Variants in PLCG1 observed in about 807,000 individuals in gnomAD.
The protein encoded by PLCG1 is 1-phosphatidylinositol 4,5-bisphosphate phosphodiesterase gamma-1.
PLCG1 carries 71 observed loss-of-function variants against 177.8 expected under a neutral mutation model. The observed-to-expected ratio is 0.40, with a 90% CI of 0.33 to 0.49. The LOEUF is 0.49. PLCG1 is among the 20% of genes least tolerant of loss of function. PLCG1 has a pLI of 0.72. For missense variants in PLCG1, 1,281 were observed against 1,709.0 expected, an observed-to-expected ratio of 0.75 and a Z score of 4.42; for synonymous variants, 658 against 647.9, an observed-to-expected ratio of 1.02 and a Z score of -0.24.
At chr20:41,170,558 T>C (rs1339665503) in intron 24 of PLCG1, 7 of 337,078 alleles carry the variant, frequency 2.1e-5, no homozygotes, top group Admixed American at 4.6e-5. Context: ...AGTCCTGGGC[T>C]GGAAGCAGGA....
In PLCG1 at chr20:41,137,726, C is replaced by G. The variant is rs1391737778; in HGVS notation, c.85C>G (p.Leu29Val). ...DAEVLHLCRS[L>V]EVGTVMTLFY... ...CGAGGTGCTGCACCTCTGCCGCAGC[C>G]TCGAGGTGGGCACCGTCATGACTTT... is the stretch of plus-strand genomic sequence containing the variant. Residue 29 changes from leucine (L) to valine (V), a missense_variant, in exon 1 of 32, where the codon CTC becomes GTC. Physicochemically the swap from Leu to Val is conservative, Grantham distance 32. Transcript: ENST00000685551. This position sits in a 1 kb window ranked among gnomAD's most constrained non-coding sequence, Gnocchi z 7.3. The G allele has an allele frequency of 5.3e-6, 7 of 1,315,228 alleles. No homozygotes were observed. The South Asian group carries it at 1.7e-4, about 32-fold the overall frequency. 81.5% of individuals were successfully genotyped at this position (1,315,228 alleles called of 1,614,324 possible).
At chr20:41,168,368 C>T (rs1198152783) in intron 20 of PLCG1, among the ~76,000 whole-genome samples, 1 of 152,238 alleles carries the variant, frequency 6.6e-6, no homozygotes, top group Non-Finnish European at 1.5e-5. Flanking sequence ...TTCCACTTCA[C>T]AGATGAGTGG....
intron 1 of PLCG1, among the ~76,000 whole-genome samples, chr20:41,149,221 A>G (rs1165595834): frequency 1.3e-5 from 2 of 152,206 alleles, no homozygotes; most frequent in Admixed American, 6.5e-5. Context: ...AACGTAAGCT[A>G]TCTAGCATAA....
At position 41,159,685 on chromosome 20, in the gene PLCG1, C is replaced by T. The variant is rs1264373966; in HGVS notation, c.297C>T (p.Phe99=). Residue 99 remains phenylalanine, a synonymous_variant, in exon 2 of 32, where the codon TTC becomes TTT. Coordinates refer to ENST00000685551, the MANE Select transcript of PLCG1 (RefSeq NM_002660.3). This position sits in a 1 kb window ranked among gnomAD's most constrained non-coding sequence, Gnocchi z 6.0. ...DFDRYQEDPA[F]RPDQSHCFVI... ...ATCGCTATCAAGAGGACCCAGCTTT[C>T]CGGCCGGACCAGTCACATTGCTTTG... 1 of 1,614,214 alleles carries T rather than the reference C, an allele frequency of 6.2e-7. No individual in the cohort carries two copies. The highest frequency in any genetic ancestry group is 1.1e-5 in the South Asian group (1 of 91,082).
At position 41,147,578 on chromosome 20, in the gene PLCG1, C is replaced by T. The variant is rs969531819; in HGVS notation, c.217+9720C>T. Among the ~76,000 whole-genome samples, 3 of 152,110 alleles carry T rather than the reference C, an allele frequency of 2.0e-5. No homozygotes were observed. The highest frequency in any genetic ancestry group is 4.8e-5 in the African/African-American group (2 of 41,424). ...CAAAGAATTTAAGCTGGGCTGGGCA[C>T]GGTGGCTCACGCCTGTAATCCCAGC... On this transcript the variant is annotated intron_variant, in intron 1 of 31. Coordinates refer to ENST00000685551, the MANE Select transcript of PLCG1 (RefSeq NM_002660.3). The surrounding 1 kb of genome is among the most constrained non-coding windows in gnomAD (Gnocchi z 4.0).
intron 4 of PLCG1, 138 bp from the exon 5 acceptor site, chr20:41,162,314 C>T (rs1232009227): frequency 5.0e-6 from 2 of 400,524 alleles, no homozygotes; most frequent in Non-Finnish European, 4.7e-6. Context: ...CCCATGGGTT[C>T]TGATCCAGTC....
intron 1 of PLCG1, among the ~76,000 whole-genome samples, chr20:41,149,921 C>G (rs767169450): frequency 4.6e-5 from 7 of 152,174 alleles, no homozygotes; most frequent in Non-Finnish European, 7.4e-5. Context: ...GGGTCAGGCA[C>G]GGTGATTCAT....
chr20:41,154,014 T>A (rs988218992), intron 1 of PLCG1, among the ~76,000 whole-genome samples: 1 of 152,236 alleles, frequency 6.6e-6, no homozygotes, highest in Admixed American at 6.5e-5. Context: ...TATGTCCTCC[T>A]GTCCCTTTCT....
chr20:41,159,662 C>G lies in PLCG1; in HGVS notation c.274C>G (p.Arg92Gly), dbSNP rs1178732404. 6.2e-7 allele frequency: 1 copy of G among 1,614,054 alleles called. No homozygotes were observed. Among genetic ancestry groups the G allele is most frequent in the Non-Finnish European group, 8.5e-7 (1 of 1,180,020 alleles). The change falls in exon 2 of 32, where the codon CGC becomes GGC. Residue 92 changes from arginine to glycine, a missense_variant. Transcript: ENST00000685551. The surrounding 1 kb of genome is among the most constrained non-coding windows in gnomAD (Gnocchi z 6.0). ...RPGKTSRDFD[R>G]YQEDPAFRPD... ...AGGGAAGACCTCACGGGACTTTGAT[C>G]GCTATCAAGAGGACCCAGCTTTCCG...
rs778825098 is a variant in PLCG1, at chr20:41,165,088, A to G, written c.1373A>G (p.Lys458Arg). Residue 458 changes from lysine to arginine, a missense_variant, in exon 13 of 32, where the codon AAG (lysine) becomes AGG (arginine). Physicochemically the swap from Lys to Arg is conservative, Grantham distance 26. Transcript: ENST00000685551. This position sits in a 1 kb window ranked among gnomAD's most constrained non-coding sequence, Gnocchi z 6.6. ...CCCTCACCCAACCAGCTTAAGAGGA[A>G]GATCCTCATCAAGGTGGGGTGGCGG... ...GLPSPNQLKR[K>R]ILIKHKKLAE... 1.6e-5 allele frequency: 26 copies of G among 1,612,750 alleles called. No individual in the cohort carries two copies. Among genetic ancestry groups the G allele is most frequent in the East Asian group, 2.2e-5 (1 of 44,838 alleles).
In PLCG1 at chr20:41,163,924, C is replaced by T; in HGVS notation, c.1014C>T (p.Tyr338=). 5 of 1,614,126 alleles carry T rather than the reference C, an allele frequency of 3.1e-6. No homozygotes were observed. Among genetic ancestry groups the T allele is most frequent in the Non-Finnish European group, 4.2e-6 (5 of 1,179,988 alleles). The change falls in exon 11 of 32, where the codon TAC becomes TAT. Residue 338 remains tyrosine, a synonymous_variant. Coordinates refer to ENST00000685551, the MANE Select transcript of PLCG1 (RefSeq NM_002660.3). The surrounding 1 kb of genome is among the most constrained non-coding windows in gnomAD (Gnocchi z 5.2). ...HYWISSSHNT[Y]LTGDQFSSES... is the part of the protein sequence containing the mutation. ...CTGCCTCTCCTTGCCTATCCAGGTA[C>T]CTGACCGGGGACCAGTTCTCCAGTG...
Position 41,174,918 on chromosome 20 carries a change from G to T in PLCG1, c.*409G>T. On this transcript the variant is annotated 3_prime_UTR_variant, in exon 32 of 32. Transcript: ENST00000685551. The surrounding 1 kb of genome is among the most constrained non-coding windows in gnomAD (Gnocchi z 5.8). ...AGGAGGAGGAGCCTTGCTGGGCCAG[G>T]GAAACAAAGTTTACATTGTCCTGTA... 1 of 202,800 alleles carries T rather than the reference G, an allele frequency of 4.9e-6. No homozygotes were observed. Among genetic ancestry groups the T allele is most frequent in the South Asian group, 8.9e-5 (1 of 11,228 alleles). The allele number at this position is 202,800 out of a possible 1,614,324, so 12.6% of individuals were successfully genotyped here.
chr20:41,142,742 A>C (rs1384457680), intron 1 of PLCG1, among the ~76,000 whole-genome samples: 1 of 152,174 alleles, frequency 6.6e-6, no homozygotes, highest in African/African-American at 2.4e-5. Context: ...GATAGTATTA[A>C]ATGGCATTTA....
rs1460943584 is a variant in PLCG1 at position 41,151,599 on chromosome 20, T to C, written c.218-8007T>C. Among the ~76,000 whole-genome samples, 1 of 152,096 alleles carries C rather than the reference T, an allele frequency of 6.6e-6. No individual in the cohort carries two copies. Among genetic ancestry groups the C allele is most frequent in the Admixed American group, 6.5e-5 (1 of 15,274 alleles). ...GCAGCCAGATGTGCTCAGGGAAACC[T>C]CAGATTTGTGAGTATGTTTCTACTG... On this transcript the variant is annotated intron_variant, in intron 1 of 31. Coordinates refer to ENST00000685551, the MANE Select transcript of PLCG1 (RefSeq NM_002660.3). The surrounding 1 kb of genome is among the most constrained non-coding windows in gnomAD (Gnocchi z 5.5).
In PLCG1 at chr20:41,163,423, A is replaced by G. The variant is rs2228246; in HGVS notation, c.835A>G (p.Ser279Gly). The G allele has an allele frequency of 0.15, 249,495 of 1,611,738 alleles. 21,108 individuals carry two copies. Among genetic ancestry groups the G allele is most frequent in the Non-Finnish European group, 0.17 (200,335 of 1,178,744 alleles). Residue 279 changes from serine (S) to glycine (G), a missense_variant, in exon 9 of 32, where the codon AGC becomes GGC. Ser to Gly is a moderately conservative substitution (Grantham distance 56). Transcript: ENST00000685551. The surrounding 1 kb of genome is among the most constrained non-coding windows in gnomAD (Gnocchi z 5.2). Reference sequence around the variant, plus strand: ...CCTCCAGGTGCAGGAGTTCATGCTCAGCTTCCTCCGAGACCCCTTACGAGA... The same window carrying G: ...CCTCCAGGTGCAGGAGTTCATGCTCGGCTTCCTCCGAGACCCCTTACGAGA... ...DRLQVQEFMLSFLRDPLREIE... is the reference protein window; with the variant it reads ...DRLQVQEFMLGFLRDPLREIE...
In PLCG1 at chr20:41,169,451, C is replaced by T; in HGVS notation, c.2581-6C>T. ...GCTGACCATTGGTGGGCTTTGCTTCCCACAGCACTTGGACGAGAACAGCCC... is the reference window on the plus strand; with the variant it reads ...GCTGACCATTGGTGGGCTTTGCTTCTCACAGCACTTGGACGAGAACAGCCC... On this transcript the variant is annotated splice_region_variant and splice_polypyrimidine_tract_variant and intron_variant, in intron 22 of 31. Transcript: ENST00000685551. The T allele has an allele frequency of 6.2e-7, 1 of 1,611,642 alleles. No individual in the cohort carries two copies. Among genetic ancestry groups the T allele is most frequent in the Non-Finnish European group, 8.5e-7 (1 of 1,177,854 alleles).
At chr20:41,169,909 C>G (rs538647385) in intron 23 of PLCG1, among the ~76,000 whole-genome samples, 1 of 152,184 alleles carries the variant, frequency 6.6e-6, no homozygotes, top group African/African-American at 2.4e-5. Flanking sequence ...AACACTGGCT[C>G]CACCACAACC....
intron 1 of PLCG1, among the ~76,000 whole-genome samples, chr20:41,152,723 G>A (rs2146018772): frequency 6.6e-6 from 1 of 152,372 alleles, no homozygotes; most frequent in Admixed American, 6.5e-5. Flanking sequence ...ATGGAGAGAA[G>A]AGTCAAATGT....
chr20:41,143,003 C>T (rs907894300), intron 1 of PLCG1, among the ~76,000 whole-genome samples: 1 of 152,210 alleles, frequency 6.6e-6, no homozygotes, highest in African/African-American at 2.4e-5. Flanking sequence ...CCCATCCTCT[C>T]TTGCAGCTCT....
Sources: allele counts gnomAD v4.1 joint callset (sites outside exome capture counted in the v4.1 genomes callset), GRCh38; gene constraint gnomAD v4.1.1; non-coding constraint Gnocchi (gnomAD v3.1); transcripts MANE v1.5; gene names NCBI Gene and HGNC (gene_info 2026-07-23, HGNC 2026-07-21).